Variants in CSMD1 observed in about 807,000 individuals in gnomAD.
The protein encoded by CSMD1 is CUB and sushi domain-containing protein 1.
In CSMD1, 213 loss-of-function variants were observed where a neutral mutation model predicts 417.5. The ratio of observed to expected loss-of-function variants is 0.51; its 90% CI spans 0.46 to 0.57. CSMD1 has a LOEUF of 0.57. CSMD1 is among the 20% of genes least tolerant of loss of function. The pLI is 0.00. For synonymous variants in CSMD1, 2,862 were observed against 1,736.8 expected (o/e 1.65, Z -16.11); for missense variants, 6,923 against 4,529.7 (o/e 1.53, Z -15.17).
intron 8 of CSMD1, among the ~76,000 whole-genome samples, chr8:3,587,707 T>C (rs1800666587): frequency 2.0e-5 from 3 of 152,202 alleles, no homozygotes; most frequent in Admixed American, 1.3e-4. Context: ...TAAACAAAAT[T>C]AAACACATTT....
At chr8:4,690,125 T>A (rs1806673748) in intron 1 of CSMD1, among the ~76,000 whole-genome samples, 2 of 152,230 alleles carry the variant, frequency 1.3e-5, no homozygotes, top group Non-Finnish European at 2.9e-5. Context: ...ATTCATGATA[T>A]TGTGAAAGAC....
intron 3 of CSMD1, among the ~76,000 whole-genome samples, chr8:4,124,670 C>T (rs374939012): frequency 2.0e-4 from 31 of 152,338 alleles, no homozygotes; most frequent in African/African-American, 6.7e-4. Flanking sequence ...AGTGGCTAAT[C>T]TGGCTGGACT....
chr8:4,066,958 T>C (rs561402209), intron 3 of CSMD1, among the ~76,000 whole-genome samples: 9 of 152,300 alleles, frequency 5.9e-5, no homozygotes, highest in African/African-American at 2.2e-4. Flanking sequence ...ACCCTCAGGG[T>C]GGAACCTAAT....
At chr8:4,118,562 A>T (rs1211374155) in intron 3 of CSMD1, among the ~76,000 whole-genome samples, 2 of 152,208 alleles carry the variant, frequency 1.3e-5, no homozygotes, top group Non-Finnish European at 2.9e-5. Flanking sequence ...CGCCAGTAAA[A>T]ATGGCGATCA....
At chr8:3,082,832 C>T (rs933105969) in intron 49 of CSMD1, among the ~76,000 whole-genome samples, 1 of 152,154 alleles carries the variant, frequency 6.6e-6, no homozygotes, top group South Asian at 2.1e-4. Flanking sequence ...GTGCTTGAAG[C>T]CTAGAAGCCT....
chr8:4,121,003 G>A (rs1585358585), intron 3 of CSMD1, among the ~76,000 whole-genome samples: 2 of 152,186 alleles, frequency 1.3e-5, no homozygotes, highest in East Asian at 1.9e-4. Context: ...ACCTTTTGAT[G>A]GCTTGGTTTA....
intron 3 of CSMD1, among the ~76,000 whole-genome samples, chr8:4,070,409 G>A (rs973125833): frequency 5.9e-5 from 9 of 152,120 alleles, no homozygotes; most frequent in Admixed American, 4.6e-4. Flanking sequence ...CCAGGCTGGA[G>A]TGCAGTGGTG....
chr8:4,434,165 C>G (rs1462795327), intron 2 of CSMD1, among the ~76,000 whole-genome samples: 4 of 152,100 alleles, frequency 2.6e-5, no homozygotes, highest in Non-Finnish European at 4.4e-5. Flanking sequence ...TGGTGAAAAC[C>G]AGTCTCTACT....
At chr8:3,783,582 G>C (rs1021179018) in intron 5 of CSMD1, among the ~76,000 whole-genome samples, 13 of 152,212 alleles carry the variant, frequency 8.5e-5, no homozygotes, top group Admixed American at 7.8e-4. Context: ...AGGTGAGAGA[G>C]TTGGACACAG....
intron 3 of CSMD1, among the ~76,000 whole-genome samples, chr8:4,288,545 G>C (rs1235993358): frequency 1.3e-5 from 2 of 152,142 alleles, no homozygotes; most frequent in Admixed American, 6.5e-5. Flanking sequence ...CTGTCCTTAT[G>C]ACTTGTCCTT....
At chr8:3,865,137 T>A (rs958166884) in intron 5 of CSMD1, among the ~76,000 whole-genome samples, 1 of 152,210 alleles carries the variant, frequency 6.6e-6, no homozygotes, top group Non-Finnish European at 1.5e-5. Flanking sequence ...ATTTGTTCTG[T>A]GTGTGTTCCA....
chr8:4,816,011 C>G (rs962819268), intron 1 of CSMD1, among the ~76,000 whole-genome samples: 1 of 152,020 alleles, frequency 6.6e-6, no homozygotes, highest in Admixed American at 6.6e-5. Flanking sequence ...AAATGTCACG[C>G]TATTAAGGAA....
At chr8:4,817,836 C>A (rs759948720) in intron 1 of CSMD1, among the ~76,000 whole-genome samples, 3 of 152,128 alleles carry the variant, frequency 2.0e-5, no homozygotes, top group African/African-American at 7.2e-5. Context: ...ACTACAGGAT[C>A]ATTTGGTGAA....
At chr8:4,441,374 A>G in intron 2 of CSMD1, among the ~76,000 whole-genome samples, 1 of 150,822 alleles carries the variant, frequency 6.6e-6, no homozygotes, top group East Asian at 2.0e-4. Flanking sequence ...GAGCCTCCTA[A>G]AGTGCTGTAA....
chr8:4,955,887 A>C (rs536418456), intron 1 of CSMD1, among the ~76,000 whole-genome samples: 1 of 152,202 alleles, frequency 6.6e-6, no homozygotes, highest in African/African-American at 2.4e-5. Flanking sequence ...AGTAGTTGTT[A>C]AACTTCAGAG....
chr8:3,523,306 T>C lies in CSMD1; in HGVS notation c.1345-29580A>G, dbSNP rs146298422. Among the ~76,000 whole-genome samples the C allele has an allele frequency of 1.6e-4, 25 of 152,326 alleles. No homozygotes were observed. In the East Asian group the frequency reaches 4.8e-3, roughly 29 times the overall value. ...GAATAACCTATTTCTGTAATTATTT[T>C]TGCTTTACTAAATTATTTTGTTCTA... is the stretch of plus-strand genomic sequence containing the variant. On this transcript the variant is annotated intron_variant, in intron 10 of 69. Coordinates refer to ENST00000635120, the MANE Select transcript of CSMD1 (RefSeq NM_033225.6).
chr8:3,075,307 C>T lies in CSMD1; in HGVS notation c.7474+11790G>A, dbSNP rs370577585. On this transcript the variant is annotated intron_variant, in intron 49 of 69. Transcript: ENST00000635120. ...TTTTTTTTTTTTTTAGATGGAGTTT[C>T]GCCCTGTCATCCAGGCTGCAGTGGA... 5.0e-4 allele frequency among the ~76,000 whole-genome samples: 72 copies of T among 142,942 alleles called. No homozygotes were observed. In the East Asian group the frequency reaches 8.2e-3, roughly 16 times the overall value. The allele number at this position is 142,942 out of a possible 152,430, so 93.8% of individuals were successfully genotyped here. A position where few individuals can be genotyped will look rare whatever the true frequency, so the allele number is the denominator to read the frequency against.
intron 3 of CSMD1, among the ~76,000 whole-genome samples, chr8:4,394,388 A>G (rs1804063924): frequency 6.6e-6 from 1 of 152,204 alleles, no homozygotes; most frequent in Admixed American, 6.5e-5. Context: ...TCCACTAGAA[A>G]TGGTTTTCTT....
chr8:3,681,281 T>C (rs1166564509), intron 7 of CSMD1, among the ~76,000 whole-genome samples: 6 of 152,196 alleles, frequency 3.9e-5, no homozygotes, highest in Admixed American at 6.5e-5. Context: ...ATTGTATATT[T>C]AGAAAACCCC....
Sources: allele counts gnomAD v4.1 joint callset (sites outside exome capture counted in the v4.1 genomes callset), GRCh38; gene constraint gnomAD v4.1.1; transcripts MANE v1.5; gene names NCBI Gene and HGNC (gene_info 2026-07-23, HGNC 2026-07-21).